Variants in HMGA1 observed in about 807,000 individuals in gnomAD.
HMGA1 encodes high mobility group AT-hook 1, also known as high mobility group protein HMG-I/HMG-Y.
Under a neutral mutation model 15.1 loss-of-function variants are expected in HMGA1, and 1 was observed. That is an observed-to-expected ratio of 0.07 (90% CI 0.02 to 0.31). The LOEUF is 0.31. Among genes scored for constraint, HMGA1 ranks in the 10% least tolerant of loss-of-function variants. The pLI is 1.00. For synonymous variants in HMGA1, 56 were observed against 54.8 expected (o/e 1.02, Z -0.10); for missense variants, 94 against 141.4 (o/e 0.66, Z 1.70).
At chr6:34,242,917 C>A in intron 4 of HMGA1, 122 bp downstream of exon 4, 1 of 745,844 alleles carries the variant, frequency 1.3e-6, no homozygotes, top group South Asian at 1.5e-5. Flanking sequence ...TGTGTACCCC[C>A]TTCCCTGGTA....
intron 5 of HMGA1, 22 bp from the exon 6 acceptor site, chr6:34,244,809 C>A: frequency 6.4e-7 from 1 of 1,564,104 alleles, no homozygotes; most frequent in East Asian, 2.3e-5. Context: ...AGAGCTCACA[C>A]CAACAACTGC....
rs544847907 is a variant in HMGA1 at position 34,245,015 on chromosome 6, T to G, written c.*131T>G. 1.2e-4 allele frequency: 172 copies of G among 1,422,952 alleles called. 1 individual carries two copies. In the South Asian group the frequency reaches 2.1e-3, roughly 17 times the overall value. The allele number at this position is 1,422,952 out of a possible 1,614,324, so 88.1% of individuals were successfully genotyped here. A position where few individuals can be genotyped will look rare whatever the true frequency, so the allele number is the denominator to read the frequency against. On this transcript the variant is annotated 3_prime_UTR_variant, in exon 6 of 6. Coordinates refer to ENST00000311487, the MANE Select transcript of HMGA1 (RefSeq NM_145899.3). ...CCACCGCCTCTGGCCGCCACCCCCA[T>G]CTTCCACCTGTGCCCTCACCACCAC...
At chr6:34,243,413 G>C (rs757945046) in intron 4 of HMGA1, 55 bp from the exon 5 acceptor site, 3 of 1,378,352 alleles carry the variant, frequency 2.2e-6, no homozygotes, top group Non-Finnish European at 3.1e-6. Context: ...ATTGGGCATC[G>C]GGTGAGCACT....
At chr6:34,240,998 A>G (rs898316564) in intron 3 of HMGA1, 83 bp downstream of exon 3, 1 of 1,487,870 alleles carries the variant, frequency 6.7e-7, no homozygotes, top group African/African-American at 1.4e-5. Context: ...AGGCGAGACC[A>G]TGCATGGAGG....
chr6:34,240,213 C>T (rs114344942), intron 2 of HMGA1, among the ~76,000 whole-genome samples: 4,155 of 152,314 alleles, frequency 0.027, 80 homozygotes, highest in Non-Finnish European at 0.042. Context: ...TGCACCTTGC[C>T]AGATAGGCAA....
chr6:34,240,679 G>A, intron 2 of HMGA1, 58 bp from the exon 3 acceptor site: 2 of 1,349,610 alleles, frequency 1.5e-6, no homozygotes, highest in South Asian at 1.2e-5. Context: ...TGGGTGATGA[G>A]GGGGTAGAAA....
intron 3 of HMGA1, among the ~76,000 whole-genome samples, 179 bp from the exon 4 acceptor site, chr6:34,242,533 G>T (rs916417922): frequency 6.6e-6 from 1 of 152,106 alleles, no homozygotes; most frequent in Admixed American, 6.5e-5. Flanking sequence ...GAGGTGGGAG[G>T]CACTTTGCAA....
chr6:34,244,309 C>T (rs562916974), intron 5 of HMGA1, among the ~76,000 whole-genome samples: 23 of 152,120 alleles, frequency 1.5e-4, no homozygotes, highest in Admixed American at 1.3e-4. Flanking sequence ...GAGTGAGCCC[C>T]GGCGGCACAC....
chr6:34,240,736 G>A lies in HMGA1; in HGVS notation c.-44-1G>A. 6.2e-7 allele frequency: 1 copy of A among 1,610,538 alleles called. No individual in the cohort carries two copies. The highest frequency in any genetic ancestry group is 8.5e-7 in the Non-Finnish European group (1 of 1,178,840). Reference sequence around the variant, plus strand: ...TCTAAAAGCACTTTTCTGTCTCCCAGCATCCCAGCCATCACTCTTCCACCT... The same window carrying A: ...TCTAAAAGCACTTTTCTGTCTCCCAACATCCCAGCCATCACTCTTCCACCT... On this transcript the variant is annotated splice_acceptor_variant, in intron 2 of 5. Coordinates refer to ENST00000311487, the MANE Select transcript of HMGA1 (RefSeq NM_145899.3). LOFTEE classifies it low-confidence loss of function (5UTR_SPLICE).
rs996988029 is a variant in HMGA1 at position 34,245,395 on chromosome 6, A to G, written c.*511A>G. 49 of 1,356,810 alleles carry G rather than the reference A, an allele frequency of 3.6e-5. No individual in the cohort carries two copies. The highest frequency in any genetic ancestry group is 7.2e-5 in the African/African-American group (5 of 69,528). The allele number at this position is 1,356,810 out of a possible 1,614,324, so 84.0% of individuals were successfully genotyped here. On this transcript the variant is annotated 3_prime_UTR_variant, in exon 6 of 6. Coordinates refer to ENST00000311487, the MANE Select transcript of HMGA1 (RefSeq NM_145899.3). The stretch of plus-strand genomic sequence containing the variant: ...GCCCTGGCAGCAGCAGGTGTGGCCA[A>G]TGGAGGGGGGTGCTGGCCCCCAGGA...
intron 2 of HMGA1, among the ~76,000 whole-genome samples, chr6:34,240,189 T>C (rs1762184483): frequency 6.6e-6 from 1 of 152,174 alleles, no homozygotes; most frequent in African/African-American, 2.4e-5. Flanking sequence ...TTGGCTCTTT[T>C]TGGTCCTGAG....
chr6:34,244,570 C>T (rs1561877006), intron 5 of HMGA1, among the ~76,000 whole-genome samples: 1 of 152,214 alleles, frequency 6.6e-6, no homozygotes, highest in Non-Finnish European at 1.5e-5. Flanking sequence ...TGCCCTCCTG[C>T]CCTCCCTGGG....
Position 34,243,460 on chromosome 6 carries a change from C to A in HMGA1, c.220-8C>A, listed in dbSNP as rs773043622. 1.9e-6 allele frequency: 3 copies of A among 1,611,354 alleles called. No individual in the cohort carries two copies. In the South Asian group the frequency reaches 3.3e-5, roughly 18 times the overall value. ...TGGACTTAGGAGATATTTTCTCTAA[C>A]CCTCTAGAAAACCACCACAACTCCA... On this transcript the variant is annotated splice_polypyrimidine_tract_variant and splice_region_variant and intron_variant, in intron 4 of 5. Coordinates refer to ENST00000311487, the MANE Select transcript of HMGA1 (RefSeq NM_145899.3).
rs189997384 is a variant in HMGA1 at position 34,243,394 on chromosome 6, C to A, written c.220-74C>A. 71 of 1,170,580 alleles carry A rather than the reference C, an allele frequency of 6.1e-5. No homozygotes were observed. The East Asian group carries it at 1.7e-3, about 27-fold the overall frequency. 72.5% of individuals were successfully genotyped at this position (1,170,580 alleles called of 1,614,324 possible). A position where few individuals can be genotyped will look rare whatever the true frequency, so the allele number is the denominator to read the frequency against. On this transcript the variant is annotated intron_variant, in intron 4 of 5. Transcript: ENST00000311487. ...CCTGAACAGGCAGGTAGGTCTGCCC[C>A]CCATCACTATTGGGCATCGGGTGAG...
chr6:34,239,647 C>CT (rs1349430717), intron 2 of HMGA1, among the ~76,000 whole-genome samples: 1 of 152,078 alleles, frequency 6.6e-6, no homozygotes, highest in African/African-American at 2.4e-5. Context: ...AATGTGTAGC[C>CT]TAGGCCTCCG....
At chr6:34,240,544 TAGGGCCAACG>T in intron 2 of HMGA1, 183 bp from the exon 3 acceptor site, 1 of 541,738 alleles carries the variant, frequency 1.8e-6, no homozygotes, top group Non-Finnish European at 3.3e-6. Flanking sequence ...AGAAGCTGAT[TAGGGCCAACG>T]GCCCTTCCCC....
intron 5 of HMGA1, 104 bp from the exon 6 acceptor site, chr6:34,244,727 T>C: frequency 1.1e-6 from 1 of 913,860 alleles, no homozygotes; most frequent in Non-Finnish European, 1.8e-6. Context: ...GACTCATCCC[T>C]CTTCAGGAGA....
intron 5 of HMGA1, among the ~76,000 whole-genome samples, chr6:34,244,091 C>T (rs1043064821): frequency 2.6e-5 from 4 of 151,910 alleles, no homozygotes; most frequent in African/African-American, 7.3e-5. Flanking sequence ...CCCCAGCCTT[C>T]CAGCTCCTGG....
intron 5 of HMGA1, among the ~76,000 whole-genome samples, 164 bp downstream of exon 5, chr6:34,243,682 G>C (rs1229272341): frequency 2.0e-5 from 3 of 152,102 alleles, no homozygotes; most frequent in Admixed American, 2.0e-4. Flanking sequence ...ACCTGGCCTG[G>C]GCTGTGCCCA....
Sources: allele counts gnomAD v4.1 joint callset (sites outside exome capture counted in the v4.1 genomes callset), GRCh38; gene constraint gnomAD v4.1.1; transcripts MANE v1.5; gene names NCBI Gene and HGNC (gene_info 2026-07-23, HGNC 2026-07-21).